The following ANKRD11 variants were observed in gnomAD, a reference collection of about 807,000 sequenced individuals.
The protein encoded by ANKRD11 is ankyrin repeat domain 11, also known as ankyrin repeat domain-containing protein 11.
In ANKRD11, 17 loss-of-function variants were observed where a neutral mutation model predicts 195.7. The observed-to-expected ratio is 0.09, with a 90% CI of 0.06 to 0.13. The LOEUF (loss-of-function observed/expected upper bound fraction) is 0.13, where lower values mean the gene tolerates loss of function less well. Ranked by LOEUF, ANKRD11 falls within the 10% of genes least tolerant of loss-of-function variation. The pLI, the probability that ANKRD11 is intolerant of heterozygous loss-of-function variation, is 1.00. For missense variants in ANKRD11, 3,735 were observed against 3,566.1 expected (o/e 1.05, Z -1.21); for synonymous variants, 1,953 against 1,528.1 (o/e 1.28, Z -6.49).
chr16:89,389,030 G>A (rs1421541187), intron 2 of ANKRD11, among the ~76,000 whole-genome samples: 1 of 152,184 alleles, frequency 6.6e-6, no homozygotes, highest in African/African-American at 2.4e-5. Flanking sequence ...TCTCAGGCAT[G>A]GAAGGTGGAA....
rs1471846813 is a variant in ANKRD11 at position 89,285,788 on chromosome 16, G to A, written c.893-139C>T. ...TGCAGAGACACTTTGCTCGACTCAT[G>A]GAAACCAGCCACAGGCAGGAGGAAA... On this transcript the variant is annotated intron_variant, in intron 8 of 12. Coordinates refer to ENST00000301030, the MANE Select transcript of ANKRD11 (RefSeq NM_013275.6). The surrounding 1 kb of genome is among the most constrained non-coding windows in gnomAD (Gnocchi z 5.6). 1.1e-5 allele frequency: 12 copies of A among 1,120,022 alleles called. No individual in the cohort carries two copies. The highest frequency in any genetic ancestry group is 1.6e-5 in the Non-Finnish European group (12 of 761,322). The allele number at this position is 1,120,022 out of a possible 1,614,324, so 69.4% of individuals were successfully genotyped here. A position where few individuals can be genotyped will look rare whatever the true frequency, so the allele number is the denominator to read the frequency against.
At chr16:89,454,943 G>C (rs1377875385) in intron 1 of ANKRD11, among the ~76,000 whole-genome samples, 1 of 115,930 alleles carries the variant, frequency 8.6e-6, no homozygotes, top group Admixed American at 8.4e-5. Flanking sequence ...CTGCTCCCCT[G>C]AGTGTTTCTA....
intron 1 of ANKRD11, among the ~76,000 whole-genome samples, chr16:89,431,695 C>A (rs531810814): frequency 7.2e-5 from 11 of 152,312 alleles, no homozygotes; most frequent in African/African-American, 2.6e-4. Flanking sequence ...CTCTCACCTG[C>A]CTCTGGCTTT....
intron 1 of ANKRD11, among the ~76,000 whole-genome samples, chr16:89,441,723 T>C (rs547439655): frequency 4.8e-4 from 60 of 123,758 alleles, no homozygotes; most frequent in Admixed American, 2.6e-3. Context: ...GCCAAGATCG[T>C]GCCACTGCAC....
intron 11 of ANKRD11, chr16:89,274,610 A>AGCTGTCT (rs1216842229): frequency 3.2e-5 from 23 of 725,790 alleles, no homozygotes; most frequent in East Asian, 2.2e-4. Flanking sequence ...CCGTGCGGGG[A>AGCTGTCT]GCTGTCTGCT....
At chr16:89,423,480 C>T (rs536644381) in intron 1 of ANKRD11, among the ~76,000 whole-genome samples, 2 of 152,220 alleles carry the variant, frequency 1.3e-5, no homozygotes, top group African/African-American at 4.8e-5. Flanking sequence ...GAGACTAGTG[C>T]GGAGCTGTGG....
intron 3 of ANKRD11, among the ~76,000 whole-genome samples, chr16:89,307,081 C>T (rs879551265): frequency 1.7e-4 from 26 of 149,128 alleles, no homozygotes; most frequent in Admixed American, 1.5e-3. Flanking sequence ...ACACAGCACT[C>T]GGGACGTGGG....
intron 2 of ANKRD11, among the ~76,000 whole-genome samples, chr16:89,400,021 G>A (rs2041629840): frequency 6.8e-6 from 1 of 146,982 alleles, no homozygotes; most frequent in Non-Finnish European, 1.5e-5. Context: ...AGGCTTCCCT[G>A]CGCTGGAGGC....
At chr16:89,352,818 G>A (rs919040295) in intron 2 of ANKRD11, among the ~76,000 whole-genome samples, 2 of 152,156 alleles carry the variant, frequency 1.3e-5, no homozygotes, top group Admixed American at 1.3e-4. Context: ...ATGACCACAT[G>A]GGCCCCCAAG....
At chr16:89,423,421 C>G (rs1489329722) in intron 1 of ANKRD11, among the ~76,000 whole-genome samples, 4 of 152,220 alleles carry the variant, frequency 2.6e-5, no homozygotes, top group African/African-American at 9.6e-5. Flanking sequence ...ACAGAACGGC[C>G]CGCAGTGCAT....
chr16:89,324,724 C>CCACCGAGAT, intron 2 of ANKRD11: 4 of 311,026 alleles, frequency 1.3e-5, no homozygotes, highest in South Asian at 2.5e-5. Flanking sequence ...GGTTCTTGGA[C>CCACCGAGAT]CTACACCAGT....
At chr16:89,457,586 GAA>G (rs34361547) in intron 1 of ANKRD11, among the ~76,000 whole-genome samples, 3 of 125,876 alleles carry the variant, frequency 2.4e-5, no homozygotes, top group African/African-American at 6.1e-5. Context: ...TCCGTCTCAA[GAA>G]AAAAAAAAAA....
chr16:89,405,412 C>G (rs1329902997), intron 2 of ANKRD11, among the ~76,000 whole-genome samples: 1 of 151,872 alleles, frequency 6.6e-6, no homozygotes, highest in Non-Finnish European at 1.5e-5. Context: ...TAGCCTCGAC[C>G]TCCTGGGCTC....
intron 12 of ANKRD11, among the ~76,000 whole-genome samples, chr16:89,269,457 T>G (rs918280538): frequency 6.6e-6 from 1 of 152,176 alleles, no homozygotes; most frequent in African/African-American, 2.4e-5. Context: ...TCAATGGGCC[T>G]CATAGCTTTT....
intron 2 of ANKRD11, among the ~76,000 whole-genome samples, chr16:89,333,119 C>T (rs1567661823): frequency 6.6e-6 from 1 of 152,216 alleles, no homozygotes; most frequent in Non-Finnish European, 1.5e-5. Context: ...ACTCAGTGGC[C>T]AAGCTCAACA....
intron 2 of ANKRD11, among the ~76,000 whole-genome samples, chr16:89,335,077 A>G (rs2151976896): frequency 6.6e-6 from 1 of 152,236 alleles, no homozygotes; most frequent in Middle Eastern, 3.4e-3. Flanking sequence ...AACAATAAAA[A>G]ACGACTAACA....
intron 2 of ANKRD11, among the ~76,000 whole-genome samples, chr16:89,317,910 G>A (rs1567635443): frequency 1.3e-5 from 2 of 152,160 alleles, no homozygotes; most frequent in South Asian, 2.1e-4. Flanking sequence ...CCAAGTTCAC[G>A]CCCAGGCCAA....
At chr16:89,325,448 T>TCC (rs1555543272) in intron 2 of ANKRD11, among the ~76,000 whole-genome samples, 12 of 76,336 alleles carry the variant, frequency 1.6e-4, no homozygotes, top group South Asian at 8.7e-4. Flanking sequence ...CTCTCCCCTC[T>TCC]CCTCTCTCTC....
At chr16:89,405,671 C>T (rs1169901339) in intron 2 of ANKRD11, among the ~76,000 whole-genome samples, 1 of 152,060 alleles carries the variant, frequency 6.6e-6, no homozygotes, top group African/African-American at 2.4e-5. Context: ...CTGACTGCTG[C>T]AGATAAGGCA....
Sources: gnomAD v4.1 joint callset for allele counts (sites outside exome capture counted in the v4.1 genomes callset) on GRCh38, gnomAD v4.1.1 for gene constraint, Gnocchi (gnomAD v3.1) non-coding constraint, MANE v1.5 for transcripts, NCBI Gene and HGNC (gene_info 2026-07-23, HGNC 2026-07-21) for gene names.